ARHGAP31: variants seen among roughly 807,000 people sequenced by gnomAD.
ARHGAP31 encodes the protein rho GTPase-activating protein 31.
In ARHGAP31, 34 loss-of-function variants were observed where a neutral mutation model predicts 113.9. The ratio of observed to expected loss-of-function variants is 0.30; its 90% CI spans 0.23 to 0.40. The LOEUF is 0.40. ARHGAP31 is among the 10% of genes least tolerant of loss of function. The pLI is 1.00. For missense variants in ARHGAP31, 1,548 were observed against 1,767.1 expected (o/e 0.88, Z 2.22); for synonymous variants, 650 against 684.8 (o/e 0.95, Z 0.79).
At chr3:119,377,747 CT>C (rs1341871435) in intron 3 of ARHGAP31, among the ~76,000 whole-genome samples, 3 of 148,416 alleles carry the variant, frequency 2.0e-5, no homozygotes, top group African/African-American at 5.1e-5. Flanking sequence ...CCTTTGGATG[CT>C]TTCCTTTTTT....
At chr3:119,347,731 T>C (rs1044756167) in intron 1 of ARHGAP31, among the ~76,000 whole-genome samples, 2 of 152,184 alleles carry the variant, frequency 1.3e-5, no homozygotes, top group African/African-American at 4.8e-5. Flanking sequence ...GAAAAGGGAT[T>C]AGAATATGAG....
In ARHGAP31 at chr3:119,392,780, C is replaced by T. The variant is rs2107636479; in HGVS notation, c.882-687C>T. ...CACTGCAGGCTGCTACTCTCCTCAG[C>T]CTCACCAGGCCAGACTCTTTTCCAG... On this transcript the variant is annotated intron_variant, in intron 7 of 11. Transcript: ENST00000264245. Among the ~76,000 whole-genome samples the T allele has an allele frequency of 3.3e-5, 5 of 152,368 alleles. 1 individual carries two copies. The Middle Eastern group carries it at 0.017, about 518-fold the overall frequency.
At chr3:119,339,754 C>T (rs747420257) in intron 1 of ARHGAP31, among the ~76,000 whole-genome samples, 1 of 152,108 alleles carries the variant, frequency 6.6e-6, no homozygotes, top group Non-Finnish European at 1.5e-5. Context: ...GTACACTTTA[C>T]ACCTTATATA....
intron 1 of ARHGAP31, among the ~76,000 whole-genome samples, chr3:119,360,886 G>A (rs2080200105): frequency 6.6e-6 from 1 of 152,182 alleles, no homozygotes; most frequent in Non-Finnish European, 1.5e-5. Flanking sequence ...GCAACTATGT[G>A]TACCTCTGTA....
At chr3:119,302,452 G>A (rs1385016010) in intron 1 of ARHGAP31, among the ~76,000 whole-genome samples, 1 of 152,224 alleles carries the variant, frequency 6.6e-6, no homozygotes, top group Non-Finnish European at 1.5e-5. Flanking sequence ...GGGAAGAGGA[G>A]GAAGAGGAGG....
chr3:119,397,319 C>T (rs144080798), intron 8 of ARHGAP31, among the ~76,000 whole-genome samples: 11 of 152,318 alleles, frequency 7.2e-5, no homozygotes, highest in Non-Finnish European at 1.6e-4. Context: ...GATGGACCTA[C>T]AGACAGAGCT....
intron 9 of ARHGAP31, 120 bp downstream of exon 9, chr3:119,399,381 C>T: frequency 1.2e-6 from 1 of 864,732 alleles, no homozygotes; most frequent in Non-Finnish European, 1.9e-6. Flanking sequence ...ACTACCTAGT[C>T]CCAAATCCCT....
chr3:119,349,926 C>T (rs1380602689), intron 1 of ARHGAP31, among the ~76,000 whole-genome samples: 1 of 152,138 alleles, frequency 6.6e-6, no homozygotes, highest in Non-Finnish European at 1.5e-5. Context: ...TATTCAAGCC[C>T]TGAGTCTTGT....
At chr3:119,320,234 T>G (rs2079770837) in intron 1 of ARHGAP31, among the ~76,000 whole-genome samples, 1 of 152,208 alleles carries the variant, frequency 6.6e-6, no homozygotes. Flanking sequence ...GAAACTTGGT[T>G]TTATCAGTGT....
intron 6 of ARHGAP31, 119 bp from the exon 7 acceptor site, chr3:119,390,666 C>T: frequency 8.9e-7 from 1 of 1,124,460 alleles, no homozygotes; most frequent in Non-Finnish European, 1.3e-6. Flanking sequence ...CCAAGAGAAG[C>T]CAGGGTGGCA....
intron 10 of ARHGAP31, among the ~76,000 whole-genome samples, chr3:119,407,542 G>A (rs1182471237): frequency 6.6e-6 from 1 of 152,172 alleles, no homozygotes; most frequent in Non-Finnish European, 1.5e-5. Context: ...GCAAGTATCT[G>A]TTTACATATG....
chr3:119,340,487 G>A (rs2079998574), intron 1 of ARHGAP31, among the ~76,000 whole-genome samples: 1 of 152,196 alleles, frequency 6.6e-6, no homozygotes, highest in Non-Finnish European at 1.5e-5. Flanking sequence ...TTAGATATAG[G>A]AGTAGCTCAA....
intron 1 of ARHGAP31, among the ~76,000 whole-genome samples, chr3:119,308,212 A>G (rs868684108): frequency 6.6e-6 from 1 of 152,242 alleles, no homozygotes; most frequent in Non-Finnish European, 1.5e-5. Flanking sequence ...CTTTGCAGAC[A>G]TGACCATGCT....
At chr3:119,354,600 C>G (rs1456553181) in intron 1 of ARHGAP31, among the ~76,000 whole-genome samples, 1 of 151,764 alleles carries the variant, frequency 6.6e-6, no homozygotes, top group East Asian at 1.9e-4. Context: ...CTCCGCCTGC[C>G]TCCTGGGTTC....
At chr3:119,327,002 A>G (rs1385791921) in intron 1 of ARHGAP31, among the ~76,000 whole-genome samples, 3 of 152,090 alleles carry the variant, frequency 2.0e-5, no homozygotes, top group Non-Finnish European at 4.4e-5. Context: ...TTAGCCAGGC[A>G]TGGTGGCACG....
chr3:119,416,705 T>G lies in ARHGAP31; in HGVS notation c.*441T>G, dbSNP rs560560643. 271 of 248,812 alleles carry G rather than the reference T, an allele frequency of 1.1e-3. No individual in the cohort carries two copies. The highest frequency in any genetic ancestry group is 5.9e-3 in the African/African-American group (259 of 43,994). 15.4% of individuals were successfully genotyped at this position (248,812 alleles called of 1,614,324 possible). On this transcript the variant is annotated 3_prime_UTR_variant, in exon 12 of 12. Transcript: ENST00000264245. ...CTATTGGGGTTAGAAGGCCTCCTCTTTATGCTTTTTAATGCTCTTTCAAAC... is the reference window on the plus strand; with the variant it reads ...CTATTGGGGTTAGAAGGCCTCCTCTGTATGCTTTTTAATGCTCTTTCAAAC...
chr3:119,401,994 C>T lies in ARHGAP31; in HGVS notation c.1242C>T (p.Ser414=), dbSNP rs1559993790. 11 of 1,614,160 alleles carry T rather than the reference C, an allele frequency of 6.8e-6. No individual in the cohort carries two copies. Among genetic ancestry groups the T allele is most frequent in the Non-Finnish European group, 9.3e-6 (11 of 1,180,032 alleles). The part of the protein sequence containing the change: ...PPGAEGGFDV[S]SDRSHLQGAQ... ...GGGCTGAGGGTGGCTTTGATGTGAG[C>T]AGTGATCGCAGCCATCTCCAGGGCG... The change falls in exon 10 of 12, where the codon AGC becomes AGT. Residue 414 remains serine (S), a synonymous_variant. Transcript: ENST00000264245.
Position 119,384,945 on chromosome 3 carries a change from G to T in ARHGAP31, c.682+1719G>T, listed in dbSNP as rs62266695. Among the ~76,000 whole-genome samples the T allele has an allele frequency of 2.4e-3, 357 of 146,628 alleles. 1 individual carries two copies. Among genetic ancestry groups the T allele is most frequent in the African/African-American group, 8.5e-3 (338 of 39,898 alleles). On this transcript the variant is annotated intron_variant, in intron 6 of 11. Coordinates refer to ENST00000264245, the MANE Select transcript of ARHGAP31 (RefSeq NM_020754.4). The stretch of plus-strand genomic sequence containing the variant: ...TTTGGTGACTTTTTTTTTTTTTTTG[G>T]ATGGAGTCTCACTCTGTTGCCCAGG...
At chr3:119,406,722 C>T (rs1490969635) in intron 10 of ARHGAP31, among the ~76,000 whole-genome samples, 2 of 152,194 alleles carry the variant, frequency 1.3e-5, no homozygotes, top group Non-Finnish European at 2.9e-5. Flanking sequence ...TCAGCCTTTG[C>T]GTGGGACAGC....
Sources: allele counts gnomAD v4.1 joint callset (sites outside exome capture counted in the v4.1 genomes callset), GRCh38; gene constraint gnomAD v4.1.1; transcripts MANE v1.5; gene names NCBI Gene and HGNC (gene_info 2026-07-23, HGNC 2026-07-21).